Variants in MX1 observed in about 807,000 individuals in gnomAD.
MX1 encodes MX dynamin like GTPase 1.
In MX1, 66 loss-of-function variants were observed where a neutral mutation model predicts 66.4. That is an observed-to-expected ratio of 0.99 (90% CI 0.82 to 1.22). The LOEUF is 1.22. Among genes scored for constraint, MX1 ranks in the 50% most tolerant of loss-of-function variants. The pLI is 0.00. For synonymous variants in MX1, 311 were observed against 318.1 expected (o/e 0.98, Z 0.24); for missense variants, 787 against 834.3 (o/e 0.94, Z 0.70).
At chr21:41,429,441 C>G (rs1320353457) in intron 3 of MX1, 1 of 152,100 alleles carries the variant, frequency 6.6e-6, no homozygotes, top group Non-Finnish European at 1.5e-5. Flanking sequence ...CAATGATGCT[C>G]CTTATCTGGC....
chr21:41,426,849 C>CA (rs995306995), intron 1 of MX1: 1 of 152,150 alleles, frequency 6.6e-6, no homozygotes, highest in Admixed American at 6.5e-5. Context: ...GCTGTTCCCC[C>CA]CCACCGCCCC....
chr21:41,446,175 C>A (rs1568988374), intron 13 of MX1, 34 bp downstream of exon 13: 1 of 1,574,556 alleles, frequency 6.4e-7, no homozygotes, highest in Non-Finnish European at 8.7e-7. Context: ...TGGGCTGCTA[C>A]AACCGAATAC....
chr21:41,421,239 G>A (rs1321456690), upstream of MX1: 1 of 152,298 alleles, frequency 6.6e-6, no homozygotes, highest in Non-Finnish European at 1.5e-5. Context: ...CTGCCTGCAT[G>A]TCCCACCTCC....
intron 12 of MX1, 82 bp from the exon 13 acceptor site, chr21:41,445,918 C>T: frequency 6.5e-7 from 1 of 1,549,490 alleles, no homozygotes; most frequent in Admixed American, 1.8e-5. Context: ...TCCCCACCCT[C>T]CACATAGGCA....
intron 4 of MX1, among the ~76,000 whole-genome samples, chr21:41,431,292 G>C (rs897398763): frequency 6.6e-6 from 1 of 152,224 alleles, no homozygotes; most frequent in Admixed American, 6.5e-5. Context: ...CAAAGTGCTG[G>C]GTGGGATACA....
At chr21:41,448,931 TG>T (rs1311705890) in intron 13 of MX1, among the ~76,000 whole-genome samples, 23 of 294 alleles carry the variant, frequency 0.078, no homozygotes, top group South Asian at 0.35. Flanking sequence ...GATCTGGTTT[TG>T]TGTGTGTGTG....
At chr21:41,451,813 C>T (rs2090835830) in intron 15 of MX1, among the ~76,000 whole-genome samples, 2 of 133,014 alleles carry the variant, frequency 1.5e-5, no homozygotes, top group Admixed American at 8.4e-5. Flanking sequence ...CTAGCCTAGG[C>T]GATGGAGCGA....
At chr21:41,434,345 T>C (rs2090303337) in intron 5 of MX1, among the ~76,000 whole-genome samples, 1 of 152,246 alleles carries the variant, frequency 6.6e-6, no homozygotes, top group Admixed American at 6.5e-5. Context: ...ACTTTAGTTT[T>C]ATAGTAATTA....
At chr21:41,432,617 C>A (rs1161677478) in intron 5 of MX1, among the ~76,000 whole-genome samples, 1 of 152,206 alleles carries the variant, frequency 6.6e-6, no homozygotes, top group Admixed American at 6.5e-5. Flanking sequence ...AATCATGGCC[C>A]CTGGAATCAG....
In MX1 at chr21:41,446,221, T is replaced by C. The variant is rs762606792; in HGVS notation, c.1273+80T>C. 410 of 1,269,978 alleles carry C rather than the reference T, an allele frequency of 3.2e-4. 1 individual carries two copies. The highest frequency in any genetic ancestry group is 5.7e-4 in the Middle Eastern group (3 of 5,258). 78.7% of individuals were successfully genotyped at this position (1,269,978 alleles called of 1,614,324 possible). On this transcript the variant is annotated intron_variant, in intron 13 of 16. Transcript: ENST00000398598. ...GTCATTTATAAACAGTAGAAACTTA[T>C]TGCTCATTGTTCTGGAGGTGAGAAA...
At chr21:41,426,042 C>T, upstream of MX1, 1 of 162,646 alleles carries the variant, frequency 6.1e-6, no homozygotes, top group Non-Finnish European at 1.3e-5. Context: ...TCTGATTCAG[C>T]AGGCCTGGGT....
chr21:41,429,439 C>T (rs561542270), intron 3 of MX1: 3 of 152,284 alleles, frequency 2.0e-5, no homozygotes, highest in Admixed American at 6.5e-5. Flanking sequence ...CTCAATGATG[C>T]TCCTTATCTG....
In MX1 at chr21:41,432,074, G is replaced by T. The variant is rs201479960; in HGVS notation, c.4G>T (p.Val2Phe). ...GCTTACTTTGCAAAGAAGGAAGATG[G>T]TTGTTTCCGAAGTGGACATCGCAAA... M[V>F]VSEVDIAKAD... is the part of the protein sequence containing the mutation. The change falls in exon 5 of 17, where the codon GTT (valine) becomes TTT (phenylalanine). Residue 2 changes from valine to phenylalanine, a missense_variant. Physicochemically the swap from Val to Phe is conservative, Grantham distance 50 (BLOSUM62 -1). Coordinates refer to ENST00000398598, the MANE Select transcript of MX1 (RefSeq NM_002462.5). 9 of 1,614,036 alleles carry T rather than the reference G, an allele frequency of 5.6e-6. No individual in the cohort carries two copies. The highest frequency in any genetic ancestry group is 7.6e-6 in the Non-Finnish European group (9 of 1,179,994).
intron 8 of MX1, among the ~76,000 whole-genome samples, chr21:41,440,543 AATCTCAC>A (rs1248754719): frequency 6.6e-6 from 1 of 152,220 alleles, no homozygotes; most frequent in African/African-American, 2.4e-5. Context: ...AGTATCAGTG[AATCTCAC>A]TTTACAGATT....
At chr21:41,456,744 G>A (rs111515132) in intron 16 of MX1, among the ~76,000 whole-genome samples, 1 of 144,618 alleles carries the variant, frequency 6.9e-6, no homozygotes, top group African/African-American at 2.6e-5. Context: ...CTGCACTAAA[G>A]TTGTTGGTTT....
intron 16 of MX1, among the ~76,000 whole-genome samples, chr21:41,456,004 G>T (rs13052951): frequency 0.19 from 29,466 of 152,156 alleles, 3,337 homozygotes; most frequent in East Asian, 0.42. Context: ...CACTCTGGAA[G>T]GCTGAGGTGG....
chr21:41,423,725 C>T, upstream of MX1, among the ~76,000 whole-genome samples: 1 of 152,180 alleles, frequency 6.6e-6, no homozygotes, highest in East Asian at 1.9e-4. Context: ...TGCTGAATTA[C>T]ACCCCAAAAC....
intron 11 of MX1, among the ~76,000 whole-genome samples, chr21:41,444,089 A>G (rs469066): frequency 0.68 from 102,761 of 151,854 alleles, 35,007 homozygotes; most frequent in Non-Finnish European, 0.71. Context: ...AGTCAGGGGG[A>G]ATGCTGATAG....
chr21:41,445,932 C>G, intron 12 of MX1, 68 bp from the exon 13 acceptor site: 9 of 1,581,224 alleles, frequency 5.7e-6, no homozygotes, highest in Non-Finnish European at 7.8e-6. Flanking sequence ...ATAGGCACGG[C>G]CTCCAAATGA....
Sources: gnomAD v4.1 joint callset for allele counts (sites outside exome capture counted in the v4.1 genomes callset) on GRCh38, gnomAD v4.1.1 for gene constraint, MANE v1.5 for transcripts, NCBI Gene and HGNC (gene_info 2026-07-23, HGNC 2026-07-21) for gene names.